Variants in EPS15L1 observed in about 807,000 individuals in gnomAD.
The protein encoded by EPS15L1 is epidermal growth factor receptor pathway substrate 15 like 1, also known as epidermal growth factor receptor substrate 15-like 1.
Under a neutral mutation model 117.1 loss-of-function variants are expected in EPS15L1, and 43 were observed. That is an observed-to-expected ratio of 0.37 (90% CI 0.29 to 0.47). The LOEUF is 0.47. Ranked by LOEUF, EPS15L1 falls within the 20% of genes least tolerant of loss-of-function variation. EPS15L1 has a pLI of 0.99. For missense variants in EPS15L1, 981 were observed against 1,164.0 expected, an observed-to-expected ratio of 0.84 and a Z score of 2.29; for synonymous variants, 459 against 470.5, an observed-to-expected ratio of 0.98 and a Z score of 0.32.
chr19:16,452,634 A>G (rs766380547), intron 1 of EPS15L1, among the ~76,000 whole-genome samples: 6 of 81,860 alleles, frequency 7.3e-5, no homozygotes, highest in Admixed American at 3.8e-4. Context: ...ATGTCATCTG[A>G]AAAAAAAAAA....
chr19:16,467,956 T>C (rs2093318310), intron 1 of EPS15L1, among the ~76,000 whole-genome samples: 1 of 152,162 alleles, frequency 6.6e-6, no homozygotes, highest in Admixed American at 6.6e-5. Context: ...TGGAGGCACC[T>C]ACTGAAATAC....
intron 19 of EPS15L1, among the ~76,000 whole-genome samples, chr19:16,389,019 C>G (rs917152941): frequency 6.6e-6 from 1 of 151,990 alleles, no homozygotes; most frequent in Non-Finnish European, 1.5e-5. Flanking sequence ...GAGGACGAGG[C>G]GGGCAGATCA....
chr19:16,393,663 TAAA>T (rs1220466792), intron 18 of EPS15L1, among the ~76,000 whole-genome samples: 2 of 141,102 alleles, frequency 1.4e-5, no homozygotes, highest in Admixed American at 6.9e-5. Flanking sequence ...AAAAAAAAAA[TAAA>T]AAATAAATAA....
rs2092222230 is a variant in EPS15L1, at chr19:16,371,359, T to C, written c.2380+5763A>G. On this transcript the variant is annotated intron_variant, in intron 22 of 23. Transcript: ENST00000455140. The surrounding 1 kb of genome is among the most constrained non-coding windows in gnomAD (Gnocchi z 4.7). The stretch of plus-strand genomic sequence containing the variant: ...ACACACAGGTACGGGAGGGGCTTGT[T>C]TGCAAGGGGAAGAATGACTTTTGTC... Among the ~76,000 whole-genome samples, 1 of 152,094 alleles carries C rather than the reference T, an allele frequency of 6.6e-6. No homozygotes were observed. Among genetic ancestry groups the C allele is most frequent in the African/African-American group, 2.4e-5 (1 of 41,394 alleles).
rs1477800315 is a variant in EPS15L1, at chr19:16,377,257, G to A, written c.2248-3C>T. 1 of 1,609,700 alleles carries A rather than the reference G, an allele frequency of 6.2e-7. No individual in the cohort carries two copies. Among genetic ancestry groups the A allele is most frequent in the East Asian group, 2.2e-5 (1 of 44,832 alleles). ...GTGAAAGGGCCAGAAGGTGGGGGCT[G>A]TAAGAGAGGACATGAAAGAGAGGCA... is the stretch of plus-strand genomic sequence containing the variant. On this transcript the variant is annotated splice_region_variant and splice_polypyrimidine_tract_variant and intron_variant, in intron 21 of 23. Transcript: ENST00000455140.
intron 12 of EPS15L1, among the ~76,000 whole-genome samples, chr19:16,415,225 A>T (rs2092746885): frequency 6.6e-6 from 1 of 152,206 alleles, no homozygotes; most frequent in African/African-American, 2.4e-5. Flanking sequence ...AGGAATCAGC[A>T]AATGGGTCCT....
At chr19:16,471,984 G>A (rs933796479), upstream of EPS15L1, 2 of 1,258,724 alleles carry the variant, frequency 1.6e-6, no homozygotes, top group South Asian at 5.8e-5. This position sits in a 1 kb window ranked among gnomAD's most constrained non-coding sequence, Gnocchi z 4.8. Context: ...GGGGGAACGG[G>A]GGCGGGGCTG....
At position 16,402,463 on chromosome 19, in the gene EPS15L1, A is replaced by T; in HGVS notation, c.1649T>A (p.Leu550Gln). ...INQARSKLSQ[L>Q]HESRQEAHRS... ...GTGGGCCTCCTGGCGGCTTTCATGC[A>T]GCTGGGAAAGTTTGCTCCTTGCCTG... is the stretch of plus-strand genomic sequence containing the variant. Residue 550 changes from leucine (L) to glutamine (Q), a missense_variant, in exon 16 of 24, where the codon CTG becomes CAG. This residue lies in a region of EPS15L1 where 819 missense variants were observed against 949.0 expected (regional missense o/e 0.86). Coordinates refer to ENST00000455140, the MANE Select transcript of EPS15L1 (RefSeq NM_001258374.3). The T allele has an allele frequency of 6.2e-7, 1 of 1,607,908 alleles. No homozygotes were observed. Among genetic ancestry groups the T allele is most frequent in the South Asian group, 1.1e-5 (1 of 90,346 alleles).
At chr19:16,412,869 G>A (rs1372313879) in intron 13 of EPS15L1, 9 of 590,342 alleles carry the variant, frequency 1.5e-5, no homozygotes, top group Non-Finnish European at 2.9e-5. Context: ...CCGAGGATAA[G>A]GAGTGGATGC....
rs370464358 is a variant in EPS15L1, at chr19:16,379,689, G to A, written c.2248-2435C>T. Among the ~76,000 whole-genome samples the A allele has an allele frequency of 4.0e-5, 6 of 151,432 alleles. No homozygotes were observed. The East Asian group carries it at 5.9e-4, about 15-fold the overall frequency. On this transcript the variant is annotated intron_variant, in intron 21 of 23. Transcript: ENST00000455140. ...AGACAAGGCCATCTAAGGCTCCAGCGTTTAGTCACACCAATGCAACCATCT... is the reference window on the plus strand; with the variant it reads ...AGACAAGGCCATCTAAGGCTCCAGCATTTAGTCACACCAATGCAACCATCT...
In EPS15L1 at chr19:16,387,904, A is replaced by T. The variant is rs76495155; in HGVS notation, c.2104-1673T>A. On this transcript the variant is annotated intron_variant, in intron 19 of 23. Coordinates refer to ENST00000455140, the MANE Select transcript of EPS15L1 (RefSeq NM_001258374.3). ...GGAGAAAAAAGAATGAAAAATAAAT[A>T]AATAAATAGAGCCTCAGGAACCTGT... 6.0e-4 allele frequency among the ~76,000 whole-genome samples: 92 copies of T among 152,178 alleles called. 1 individual carries two copies. Among genetic ancestry groups the T allele is most frequent in the Non-Finnish European group, 1.6e-4 (11 of 68,030 alleles).
Position 16,404,039 on chromosome 19 carries a change from G to A in EPS15L1, c.1429-109C>T, listed in dbSNP as rs1362222990. The A allele has an allele frequency of 3.9e-6, 4 of 1,019,862 alleles. No homozygotes were observed. The highest frequency in any genetic ancestry group is 1.5e-5 in the South Asian group (1 of 68,260). 63.2% of individuals were successfully genotyped at this position (1,019,862 alleles called of 1,614,324 possible). The stretch of plus-strand genomic sequence containing the variant: ...CCCCGAAACAAGCTAAGCCAGGGAC[G>A]CAGACACCTAACCCAGGCCCGACAC... On this transcript the variant is annotated intron_variant, in intron 14 of 23. Coordinates refer to ENST00000455140, the MANE Select transcript of EPS15L1 (RefSeq NM_001258374.3). The surrounding 1 kb of genome is among the most constrained non-coding windows in gnomAD (Gnocchi z 4.2).
intron 13 of EPS15L1, among the ~76,000 whole-genome samples, chr19:16,411,019 T>C (rs1377102160): frequency 6.6e-6 from 1 of 152,178 alleles, no homozygotes; most frequent in African/African-American, 2.4e-5. Flanking sequence ...AAAAACATGA[T>C]GCTGAGTGGA....
intron 1 of EPS15L1, among the ~76,000 whole-genome samples, chr19:16,457,897 A>G (rs2093212512): frequency 1.3e-5 from 2 of 151,708 alleles, no homozygotes; most frequent in African/African-American, 4.8e-5. Context: ...GAGGGGCTCA[A>G]TGACTCAGCA....
At position 16,467,234 on chromosome 19, in the gene EPS15L1, C is replaced by T. The variant is rs573705325; in HGVS notation, c.33+4679G>A. On this transcript the variant is annotated intron_variant, in intron 1 of 23. Coordinates refer to ENST00000455140, the MANE Select transcript of EPS15L1 (RefSeq NM_001258374.3). ...AGTGATCTTGGCTCACTGCAACCTCCGCCTCCTGGGTTCAAGTGATTCTCC... is the reference window on the plus strand; with the variant it reads ...AGTGATCTTGGCTCACTGCAACCTCTGCCTCCTGGGTTCAAGTGATTCTCC... 5.9e-5 allele frequency among the ~76,000 whole-genome samples: 9 copies of T among 151,746 alleles called. No individual in the cohort carries two copies. The South Asian group carries it at 1.9e-3, about 32-fold the overall frequency.
intron 1 of EPS15L1, among the ~76,000 whole-genome samples, chr19:16,446,838 T>G (rs1051564553): frequency 6.6e-6 from 1 of 152,210 alleles, no homozygotes; most frequent in Non-Finnish European, 1.5e-5. Context: ...ATAAATGGAC[T>G]TGAAAGCCAG....
At chr19:16,462,779 G>C (rs1268624856) in intron 1 of EPS15L1, among the ~76,000 whole-genome samples, 1 of 152,196 alleles carries the variant, frequency 6.6e-6, no homozygotes, top group Non-Finnish European at 1.5e-5. Context: ...TGCAAAGGGT[G>C]GGGGCAGGAC....
intron 10 of EPS15L1, among the ~76,000 whole-genome samples, chr19:16,419,217 T>C (rs1208015058): frequency 6.6e-6 from 1 of 152,182 alleles, no homozygotes; most frequent in Non-Finnish European, 1.5e-5. Flanking sequence ...CTCAACACTT[T>C]GGGAGCTGAG....
chr19:16,422,481 A>G (rs528095172), intron 9 of EPS15L1, among the ~76,000 whole-genome samples: 2 of 152,124 alleles, frequency 1.3e-5, no homozygotes, highest in South Asian at 4.1e-4. Flanking sequence ...GAGAATAAAC[A>G]CCTGATTGAA....
Sources: allele counts gnomAD v4.1 joint callset (sites outside exome capture counted in the v4.1 genomes callset), GRCh38; gene constraint gnomAD v4.1.1; regional missense constraint gnomAD v4.1.1; non-coding constraint Gnocchi (gnomAD v3.1); transcripts MANE v1.5; gene names NCBI Gene and HGNC (gene_info 2026-07-23, HGNC 2026-07-21).